Variants in PPARD observed in about 807,000 individuals in gnomAD.
The protein encoded by PPARD is peroxisome proliferator-activated receptor delta.
A neutral mutation model predicts 39.5 loss-of-function variants in PPARD; 6 were observed. The ratio of observed to expected loss-of-function variants is 0.15; its 90% CI spans 0.08 to 0.30. PPARD has a LOEUF of 0.30. Ranked by LOEUF, PPARD falls within the 10% of genes least tolerant of loss-of-function variation. The pLI is 1.00. For synonymous variants in PPARD, 210 were observed against 231.3 expected (o/e 0.91, Z 0.83); for missense variants, 397 against 596.8 (o/e 0.67, Z 3.49).
At chr6:35,348,415 G>C in intron 2 of PPARD, 1 of 985,402 alleles carries the variant, frequency 1.0e-6, no homozygotes, top group Non-Finnish European at 1.2e-6. Context: ...TCCCATTGCT[G>C]TTTCCATGTT....
intron 2 of PPARD, among the ~76,000 whole-genome samples, chr6:35,380,341 A>G (rs572998538): frequency 1.3e-5 from 2 of 152,284 alleles, no homozygotes; most frequent in African/African-American, 4.8e-5. Flanking sequence ...AGTGAGATAG[A>G]AGAAGACAGA....
At chr6:35,349,157 C>G (rs1761078287) in intron 2 of PPARD, among the ~76,000 whole-genome samples, 1 of 152,016 alleles carries the variant, frequency 6.6e-6, no homozygotes, top group Non-Finnish European at 1.5e-5. Context: ...TCCTGAGTAG[C>G]TGGGACTACA....
intron 2 of PPARD, among the ~76,000 whole-genome samples, chr6:35,349,181 A>T (rs1191027473): frequency 2.0e-5 from 3 of 151,496 alleles, no homozygotes; most frequent in Admixed American, 6.6e-5. Flanking sequence ...GCCCGCCACC[A>T]CGCCCGGCTA....
chr6:35,420,132 T>C lies in PPARD; in HGVS notation c.136T>C (p.Ser46Pro). The C allele has an allele frequency of 6.2e-7, 1 of 1,612,522 alleles. No homozygotes were observed. Among genetic ancestry groups the C allele is most frequent in the South Asian group, 1.1e-5 (1 of 91,020 alleles). The change falls in exon 4 of 8, where the codon TCC (serine) becomes CCC (proline). Residue 46 changes from serine to proline, a missense_variant. Transcript: ENST00000360694. ...CCTCCATCGTGTGTCCGCAGACCTC[T>C]CCCGGAGCTCCTCGCCACCCTCACT... ...ALPSSSYTDL[S>P]RSSSPPSLLD...
chr6:35,386,626 A>T (rs1763678046), intron 2 of PPARD, among the ~76,000 whole-genome samples: 1 of 152,172 alleles, frequency 6.6e-6, no homozygotes, highest in Non-Finnish European at 1.5e-5. Flanking sequence ...TCCACCAGAC[A>T]TAAAATAGGA....
chr6:35,367,556 A>C (rs143411054), intron 2 of PPARD, among the ~76,000 whole-genome samples: 3 of 152,232 alleles, frequency 2.0e-5, no homozygotes, highest in Non-Finnish European at 4.4e-5. Context: ...TCAGTTACCT[A>C]CTGCTGTGTA....
intron 2 of PPARD, among the ~76,000 whole-genome samples, chr6:35,383,992 G>A (rs1562193377): frequency 7.0e-6 from 1 of 143,790 alleles, no homozygotes; most frequent in Non-Finnish European, 1.5e-5. Context: ...GGGAGGTGGG[G>A]GGGTCAGCCC....
At chr6:35,343,544 G>A (rs1407740627) in intron 1 of PPARD, among the ~76,000 whole-genome samples, 1 of 152,160 alleles carries the variant, frequency 6.6e-6, no homozygotes, top group Non-Finnish European at 1.5e-5. Flanking sequence ...TGGGGGTGGA[G>A]GTGTTCAGAC....
intron 2 of PPARD, among the ~76,000 whole-genome samples, chr6:35,389,284 A>G (rs910731177): frequency 6.6e-6 from 1 of 151,998 alleles, no homozygotes; most frequent in African/African-American, 2.4e-5. Flanking sequence ...GACCTGGGTG[A>G]TGGGTTTTTT....
chr6:35,420,775 A>G (rs1472481221), intron 4 of PPARD, among the ~76,000 whole-genome samples: 1 of 146,344 alleles, frequency 6.8e-6, no homozygotes, highest in African/African-American at 2.5e-5. Flanking sequence ...GAAGAAATCA[A>G]GTTAGCCGTG....
chr6:35,382,377 A>G (rs1341865728), intron 2 of PPARD, among the ~76,000 whole-genome samples: 1 of 152,234 alleles, frequency 6.6e-6, no homozygotes, highest in African/African-American at 2.4e-5. Flanking sequence ...GAAATTTTGG[A>G]GCAGTAAAAT....
chr6:35,402,878 C>G (rs1205657371), intron 2 of PPARD, among the ~76,000 whole-genome samples: 1 of 152,182 alleles, frequency 6.6e-6, no homozygotes, highest in Non-Finnish European at 1.5e-5. Context: ...GACCCATTCT[C>G]CCATGACATC....
intron 2 of PPARD, among the ~76,000 whole-genome samples, chr6:35,380,856 C>A (rs1763116402): frequency 6.6e-6 from 1 of 152,156 alleles, no homozygotes; most frequent in South Asian, 2.1e-4. Context: ...GATCAGGGAG[C>A]ACACATACAT....
At chr6:35,411,391 A>G (rs1019077808) in intron 3 of PPARD, among the ~76,000 whole-genome samples, 174 bp downstream of exon 3, 1 of 152,228 alleles carries the variant, frequency 6.6e-6, no homozygotes, top group South Asian at 2.1e-4. Flanking sequence ...TCTGCCACTC[A>G]CCAGCAGTGG....
chr6:35,420,406 AGGAGGC>A, intron 4 of PPARD, 125 bp downstream of exon 4: 3 of 1,312,746 alleles, frequency 2.3e-6, no homozygotes, highest in Non-Finnish European at 3.0e-6. Context: ...ATTCCTGCCC[AGGAGGC>A]AGCCAGGCCC....
intron 5 of PPARD, among the ~76,000 whole-genome samples, chr6:35,423,221 C>A (rs1190731762): frequency 6.7e-6 from 1 of 150,282 alleles, no homozygotes; most frequent in Non-Finnish European, 1.5e-5. Context: ...AGAGTGAGAC[C>A]CTGTCTCAAA....
chr6:35,381,435 A>T (rs948835608), intron 2 of PPARD, among the ~76,000 whole-genome samples: 5 of 152,066 alleles, frequency 3.3e-5, no homozygotes, highest in Non-Finnish European at 5.9e-5. Flanking sequence ...ACCAGTAGAA[A>T]TTTTTTCTAT....
chr6:35,354,760 C>T (rs532344401), intron 2 of PPARD, among the ~76,000 whole-genome samples: 8 of 152,160 alleles, frequency 5.3e-5, no homozygotes, highest in East Asian at 1.9e-4. Flanking sequence ...TTATGGTGTT[C>T]GGCAGGTTAC....
At chr6:35,400,806 AAAAAG>A (rs1011495660) in intron 2 of PPARD, among the ~76,000 whole-genome samples, 12 of 151,982 alleles carry the variant, frequency 7.9e-5, no homozygotes, top group Non-Finnish European at 1.3e-4. Context: ...TTAAAAAAAA[AAAAAG>A]AAAAGAAAAA....
Sources: gnomAD v4.1 joint callset for allele counts (sites outside exome capture counted in the v4.1 genomes callset) on GRCh38, gnomAD v4.1.1 for gene constraint, MANE v1.5 for transcripts, NCBI Gene and HGNC (gene_info 2026-07-23, HGNC 2026-07-21) for gene names.